Variants in ARHGEF10L observed in about 807,000 individuals in gnomAD.
ARHGEF10L encodes Rho guanine nucleotide exchange factor 10 like, also known as rho guanine nucleotide exchange factor 10-like protein.
ARHGEF10L carries 69 observed loss-of-function variants against 141.2 expected under a neutral mutation model. The ratio of observed to expected loss-of-function variants is 0.49; its 90% confidence interval spans 0.40 to 0.60. ARHGEF10L has a LOEUF of 0.60. ARHGEF10L is among the 20% of genes least tolerant of loss of function. The pLI is 0.00. For synonymous variants in ARHGEF10L, 711 were observed against 718.5 expected (o/e 0.99, Z 0.17); for missense variants, 1,482 against 1,734.3 (o/e 0.85, Z 2.58).
At chr1:17,596,018 C>T (rs1055123074) in intron 4 of ARHGEF10L, among the ~76,000 whole-genome samples, 2 of 152,190 alleles carry the variant, frequency 1.3e-5, no homozygotes, top group African/African-American at 2.4e-5. Context: ...CAGTCATATC[C>T]CAGGTCGTGG....
chr1:17,531,547 G>A, the ARHGEF10L span, among the ~76,000 whole-genome samples: 2 of 152,088 alleles, frequency 1.3e-5, no homozygotes, highest in Non-Finnish European at 2.9e-5. Context: ...AACCTCTCTG[G>A]GCCTATTTAT....
chr1:17,637,045 A>G (rs961143560), intron 18 of ARHGEF10L, among the ~76,000 whole-genome samples: 2 of 151,452 alleles, frequency 1.3e-5, no homozygotes, highest in African/African-American at 4.9e-5. Context: ...CACCACACTG[A>G]TATCTTTCTC....
rs1193194984 is a variant in ARHGEF10L at position 17,654,991 on chromosome 1, G to T, written c.2481+269G>T. 1.3e-5 allele frequency among the ~76,000 whole-genome samples: 2 copies of T among 152,198 alleles called. No individual in the cohort carries two copies. Among genetic ancestry groups the T allele is most frequent in the Admixed American group, 6.5e-5 (1 of 15,284 alleles). On this transcript the variant is annotated intron_variant, in intron 23 of 28. Transcript: ENST00000361221. This position sits in a 1 kb window ranked among gnomAD's most constrained non-coding sequence, Gnocchi z 4.3. Reference sequence around the variant, plus strand: ...AGGGCTGAGAAGGAAGTGAAAGGGGGAGCTGTGCAGAGGACCTGGGTCTCA... The same window carrying T: ...AGGGCTGAGAAGGAAGTGAAAGGGGTAGCTGTGCAGAGGACCTGGGTCTCA...
chr1:17,614,034 G>A (rs755364806), intron 8 of ARHGEF10L, among the ~76,000 whole-genome samples: 1 of 152,200 alleles, frequency 6.6e-6, no homozygotes, highest in Non-Finnish European at 1.5e-5. Context: ...TGTCCTTGTG[G>A]CACTCTGGGC....
intron 26 of ARHGEF10L, among the ~76,000 whole-genome samples, chr1:17,675,741 TGTTC>T (rs2063626855): frequency 1.4e-5 from 2 of 143,776 alleles, no homozygotes; most frequent in Admixed American, 6.9e-5. Context: ...GGTGCAGGTG[TGTTC>T]AGGTGTAGGT....
rs927855622 is a variant in ARHGEF10L, at chr1:17,657,562, C to T, written c.2860+854C>T. ...TCCGCCAGCCAGGCTGTGATTGCCG[C>T]GTCATCACAGCCTGTTACAGGGTTA... On this transcript the variant is annotated intron_variant, in intron 25 of 28. Coordinates refer to ENST00000361221, the MANE Select transcript of ARHGEF10L (RefSeq NM_018125.4). Among the ~76,000 whole-genome samples the T allele has an allele frequency of 5.3e-5, 8 of 152,094 alleles. No homozygotes were observed. In the East Asian group the frequency reaches 9.6e-4, roughly 18 times the overall value.
chr1:17,634,357 G>A, intron 16 of ARHGEF10L, 191 bp from the exon 17 acceptor site: 1 of 833,684 alleles, frequency 1.2e-6, no homozygotes, highest in South Asian at 1.6e-5. Context: ...GCTGTTGTGA[G>A]ACCCAGAGAT....
At chr1:17,601,673 T>C (rs1225403194) in intron 4 of ARHGEF10L, among the ~76,000 whole-genome samples, 2 of 152,212 alleles carry the variant, frequency 1.3e-5, no homozygotes, top group African/African-American at 4.8e-5. Context: ...CTTGAACTCC[T>C]GACCTCAAGT....
At chr1:17,632,603 T>A (rs2060764280) in intron 16 of ARHGEF10L, 137 bp downstream of exon 16, 5 of 1,169,542 alleles carry the variant, frequency 4.3e-6, no homozygotes, top group Non-Finnish European at 6.1e-6. Flanking sequence ...TCCTCTCCCA[T>A]CCCTCTTGCC....
At chr1:17,652,826 T>G (rs2062011690) in intron 22 of ARHGEF10L, among the ~76,000 whole-genome samples, 1 of 152,000 alleles carries the variant, frequency 6.6e-6, no homozygotes, top group Non-Finnish European at 1.5e-5. Flanking sequence ...TCGAGCACCT[T>G]GGGAGCCTAA....
At chr1:17,611,997 A>T (rs2059574840) in intron 7 of ARHGEF10L, among the ~76,000 whole-genome samples, 1 of 151,862 alleles carries the variant, frequency 6.6e-6, no homozygotes, top group Non-Finnish European at 1.5e-5. Flanking sequence ...CCATCCATCC[A>T]TCCATCCATC....
At chr1:17,593,856 C>T (rs781742660) in intron 4 of ARHGEF10L, among the ~76,000 whole-genome samples, 1 of 151,756 alleles carries the variant, frequency 6.6e-6, no homozygotes, top group Non-Finnish European at 1.5e-5. Flanking sequence ...GCAGACCAGA[C>T]CTGGGAGAGA....
the ARHGEF10L span, among the ~76,000 whole-genome samples, chr1:17,524,994 G>C: frequency 6.6e-6 from 1 of 152,172 alleles, no homozygotes; most frequent in African/African-American, 2.4e-5. Flanking sequence ...CAGAATGACA[G>C]AGACCCCCTT....
the ARHGEF10L span, among the ~76,000 whole-genome samples, chr1:17,534,079 A>G: frequency 6.6e-6 from 1 of 151,436 alleles, no homozygotes; most frequent in Non-Finnish European, 1.5e-5. Context: ...CTCCTGCCTC[A>G]GCTTCCTGGG....
At chr1:17,676,795 G>C (rs535360439) in intron 26 of ARHGEF10L, among the ~76,000 whole-genome samples, 27 of 152,010 alleles carry the variant, frequency 1.8e-4, no homozygotes, top group African/African-American at 6.5e-4. Context: ...CTCTGCCTGA[G>C]CACTCTGTTC....
intron 26 of ARHGEF10L, among the ~76,000 whole-genome samples, chr1:17,680,085 G>T (rs946501477): frequency 6.6e-6 from 1 of 150,976 alleles, no homozygotes; most frequent in African/African-American, 2.4e-5. Flanking sequence ...CCCTGCCCCT[G>T]CCCCTGCCCT....
intron 1 of ARHGEF10L, among the ~76,000 whole-genome samples, chr1:17,551,684 G>C (rs1403840295): frequency 6.6e-6 from 1 of 152,124 alleles, no homozygotes; most frequent in Admixed American, 6.5e-5. Flanking sequence ...CGATTCCTAG[G>C]TCATTCTCTG....
At chr1:17,565,237 C>A (rs2077702452) in intron 1 of ARHGEF10L, among the ~76,000 whole-genome samples, 1 of 152,192 alleles carries the variant, frequency 6.6e-6, no homozygotes, top group Non-Finnish European at 1.5e-5. Flanking sequence ...ACCTGATTAC[C>A]TCCCCAAAGC....
At chr1:17,572,193 C>T (rs377421323) in intron 1 of ARHGEF10L, among the ~76,000 whole-genome samples, 9 of 152,216 alleles carry the variant, frequency 5.9e-5, no homozygotes, top group East Asian at 3.9e-4. Flanking sequence ...TGGGAGGGTG[C>T]GGCCTGGGAG....
Sources: gnomAD v4.1 joint callset for allele counts (sites outside exome capture counted in the v4.1 genomes callset) on GRCh38, gnomAD v4.1.1 for gene constraint, Gnocchi (gnomAD v3.1) non-coding constraint, MANE v1.5 for transcripts, NCBI Gene and HGNC (gene_info 2026-07-23, HGNC 2026-07-21) for gene names.